Variants in SLX4 observed in about 807,000 individuals in gnomAD.
SLX4 encodes structure-specific endonuclease subunit SLX4.
A neutral mutation model predicts 146.2 loss-of-function variants in SLX4; 112 were observed. That is an observed-to-expected ratio of 0.77 (90% confidence interval 0.66 to 0.90). The LOEUF is 0.90. Ranked by LOEUF, SLX4 falls within the 40% of genes least tolerant of loss-of-function variation. The pLI, the probability that SLX4 is intolerant of heterozygous loss-of-function variation, is 0.00. For synonymous variants in SLX4, 1,061 were observed against 997.7 expected (o/e 1.06, Z -1.20); for missense variants, 2,563 against 2,392.7 (o/e 1.07, Z -1.49).
rs750265091 is a variant in SLX4, at chr16:3,600,997, C to T, written c.1145G>A (p.Ser382Asn). Residue 382 changes from serine (S) to asparagine (N), a missense_variant, in exon 5 of 15, where the codon AGC (serine) becomes AAC (asparagine). Coordinates refer to ENST00000294008, the MANE Select transcript of SLX4 (RefSeq NM_032444.4). ...GACTTACCTGAACATGGGTGGGCTG[C>T]TGCTACCCTCAGGCTGTGCTGTCTG... ...RLQTAQPEGS[S>N]SPPMFSFSDH... 6 of 1,613,672 alleles carry T rather than the reference C, an allele frequency of 3.7e-6. No individual in the cohort carries two copies. The highest frequency in any genetic ancestry group is 5.1e-6 in the Non-Finnish European group (6 of 1,180,042).
chr16:3,601,294 T>G, intron 4 of SLX4, 103 bp from the exon 5 acceptor site: 3 of 1,228,514 alleles, frequency 2.4e-6, no homozygotes, highest in Non-Finnish European at 2.4e-6. Context: ...TCAAAGCAAG[T>G]TCCCCAAAGC....
In SLX4 at chr16:3,589,832, C is replaced by G. The variant is rs779426291; in HGVS notation, c.3806G>C (p.Cys1269Ser). ...GCTGCTGATTTGGGTCTGGGAAGAA[C>G]AGTCACGGCTTCTGCTGGCCAGCGG... ...ATPLASRSRDCSSQTQISSLR... is the reference protein window; with the variant it reads ...ATPLASRSRDSSSQTQISSLR... Residue 1269 changes from cysteine (C) to serine (S), a missense_variant, in exon 12 of 15, where the codon TGT becomes TCT. By Grantham distance (112) the Cys-to-Ser change is moderately radical. Coordinates refer to ENST00000294008, the MANE Select transcript of SLX4 (RefSeq NM_032444.4). The surrounding 1 kb of genome is among the most constrained non-coding windows in gnomAD (Gnocchi z 6.2). 6.2e-7 allele frequency: 1 copy of G among 1,613,342 alleles called. No individual in the cohort carries two copies. The highest frequency in any genetic ancestry group is 2.2e-5 in the East Asian group (1 of 44,886).
At chr16:3,611,013 C>T (rs997226546) in intron 1 of SLX4, among the ~76,000 whole-genome samples, 1 of 152,204 alleles carries the variant, frequency 6.6e-6, no homozygotes, top group Non-Finnish European at 1.5e-5. Context: ...AACCTCACAA[C>T]AGTCTATCTC....
chr16:3,589,758 C>T lies in SLX4; in HGVS notation c.3880G>A (p.Ala1294Thr), dbSNP rs749975141. 1 of 1,613,768 alleles carries T rather than the reference C, an allele frequency of 6.2e-7. No individual in the cohort carries two copies. Among genetic ancestry groups the T allele is most frequent in the South Asian group, 1.1e-5 (1 of 91,086 alleles). ...TTCCCTTCCCTGTTTCCTACTGAGG[C>T]CCTGGGCGTGTGCTGAGTCACCGCC... ...VQAVTQHTPRASVGNREGNEV... is the reference protein window; with the variant it reads ...VQAVTQHTPRTSVGNREGNEV... The change falls in exon 12 of 15, where the codon GCC becomes ACC. Residue 1294 changes from alanine to threonine, a missense_variant. Coordinates refer to ENST00000294008, the MANE Select transcript of SLX4 (RefSeq NM_032444.4). This position sits in a 1 kb window ranked among gnomAD's most constrained non-coding sequence, Gnocchi z 6.2.
chr16:3,590,893 C>T lies in SLX4; in HGVS notation c.2745G>A (p.Glu915=). 6.2e-7 allele frequency: 1 copy of T among 1,614,092 alleles called. No homozygotes were observed. The highest frequency in any genetic ancestry group is 8.5e-7 in the Non-Finnish European group (1 of 1,179,996). Residue 915 remains glutamate (E), a synonymous_variant, in exon 12 of 15, where the codon GAG becomes GAA. Transcript: ENST00000294008. The surrounding 1 kb of genome is among the most constrained non-coding windows in gnomAD (Gnocchi z 4.8). ...EMEPLEPGRD[E]AATTWEKMGQ... is the part of the protein sequence containing the mutation. The stretch of plus-strand genomic sequence containing the variant: ...CCATCTTCTCCCAGGTGGTGGCGGC[C>T]TCATCTCTTCCTGGCTCCAACGGCT...
chr16:3,584,993 C>CA, intron 12 of SLX4, 122 bp from the exon 13 acceptor site: 1 of 807,486 alleles, frequency 1.2e-6, no homozygotes, highest in Non-Finnish European at 2.2e-6. Context: ...CGTTTTGCTC[C>CA]ATGAAAGCAA....
intron 2 of SLX4, among the ~76,000 whole-genome samples, chr16:3,607,489 T>C (rs2040799905): frequency 6.6e-6 from 1 of 152,166 alleles, no homozygotes; most frequent in Non-Finnish European, 1.5e-5. Context: ...TAGCTCAGTA[T>C]ACCAAGGGCA....
rs2151139406 is a variant in SLX4 at position 3,608,623 on chromosome 16, G to A, written c.342C>T (p.Gly114=). Reference sequence around the variant, plus strand: ...GCTTTTTAGTCCTAGGGGCCTGGCTGCCAGACGGAGGTTTCTTCTCTGCAG... The same window carrying A: ...GCTTTTTAGTCCTAGGGGCCTGGCTACCAGACGGAGGTTTCTTCTCTGCAG... ...QGPAEKKPPS[G]SQAPRTKKQR... Residue 114 remains glycine (G), a synonymous_variant, in exon 2 of 15, where the codon GGC becomes GGT. Coordinates refer to ENST00000294008, the MANE Select transcript of SLX4 (RefSeq NM_032444.4). 1 of 1,614,202 alleles carries A rather than the reference G, an allele frequency of 6.2e-7. No individual in the cohort carries two copies. Among genetic ancestry groups the A allele is most frequent in the Non-Finnish European group, 8.5e-7 (1 of 1,180,030 alleles).
chr16:3,608,897 C>G lies in SLX4; in HGVS notation c.68G>C (p.Cys23Ser). 1 of 1,614,190 alleles carries G rather than the reference C, an allele frequency of 6.2e-7. No individual in the cohort carries two copies. The highest frequency in any genetic ancestry group is 2.2e-5 in the East Asian group (1 of 44,884). The change falls in exon 2 of 15, where the codon TGT becomes TCT. Residue 23 changes from cysteine to serine, a missense_variant. Coordinates refer to ENST00000294008, the MANE Select transcript of SLX4 (RefSeq NM_032444.4). ...AGAGGAGCGAGGGTCAATCCCAGGACAGGCAGACAGATGAGAAAGTGAACC... is the reference window on the plus strand; with the variant it reads ...AGAGGAGCGAGGGTCAATCCCAGGAGAGGCAGACAGATGAGAAAGTGAACC... ...YLGSLSHLSACPGIDPRSSED... is the reference protein window; with the variant it reads ...YLGSLSHLSASPGIDPRSSED...
chr16:3,598,107 G>A (rs887664198), intron 5 of SLX4, 108 bp from the exon 6 acceptor site: 2 of 1,304,184 alleles, frequency 1.5e-6, no homozygotes, highest in African/African-American at 1.5e-5. Flanking sequence ...AGTGACGGAT[G>A]TGGACCTGCC....
chr16:3,603,026 C>A (rs2040744661), intron 3 of SLX4, among the ~76,000 whole-genome samples: 1 of 152,186 alleles, frequency 6.6e-6, no homozygotes, highest in Non-Finnish European at 1.5e-5. Flanking sequence ...AGCAAAACAG[C>A]ACACCTTCAT....
intron 9 of SLX4, among the ~76,000 whole-genome samples, 157 bp downstream of exon 9, chr16:3,595,448 C>T (rs2040640617): frequency 1.3e-5 from 2 of 152,198 alleles, no homozygotes; most frequent in Admixed American, 1.3e-4. Context: ...GCTCTGCTCA[C>T]GGATGTCAGG....
intron 7 of SLX4, among the ~76,000 whole-genome samples, 171 bp from the exon 8 acceptor site, chr16:3,596,564 G>A (rs2040662017): frequency 6.6e-6 from 1 of 152,242 alleles, no homozygotes; most frequent in Non-Finnish European, 1.5e-5. Context: ...GCAGTCCTGG[G>A]ATGCTTTTCC....
At chr16:3,594,921 G>A (rs1024462276) in intron 9 of SLX4, among the ~76,000 whole-genome samples, 5 of 152,172 alleles carry the variant, frequency 3.3e-5, no homozygotes, top group African/African-American at 1.2e-4. Flanking sequence ...GACAGGCTGC[G>A]GGATACCTGG....
rs1361567206 is a variant in SLX4 at position 3,597,695 on chromosome 16, T to C, written c.1367A>G (p.Glu456Gly). The change falls in exon 7 of 15, where the codon GAG (glutamate) becomes GGG (glycine). Residue 456 changes from glutamate to glycine, a missense_variant and splice_region_variant. By Grantham distance (98) the Glu-to-Gly change is moderately conservative. Coordinates refer to ENST00000294008, the MANE Select transcript of SLX4 (RefSeq NM_032444.4). The surrounding 1 kb of genome is among the most constrained non-coding windows in gnomAD (Gnocchi z 4.4). The stretch of plus-strand genomic sequence containing the variant: ...GGGTTTCTTCTTGCGACTTTTATTC[T>C]CTAGAGAGAAACAAAAGCGACACCA... ...AFSERIRPEA[E>G]NKSRKKKPPV... 3.7e-6 allele frequency: 6 copies of C among 1,613,604 alleles called. No individual in the cohort carries two copies. Among genetic ancestry groups the C allele is most frequent in the South Asian group, 1.1e-5 (1 of 91,082 alleles).
chr16:3,595,736 C>T (rs1000889934), intron 8 of SLX4, 43 bp from the exon 9 acceptor site: 1 of 1,601,106 alleles, frequency 6.2e-7, no homozygotes, highest in Non-Finnish European at 8.5e-7. Context: ...CACAGCCCAG[C>T]CACATCCACC....
Position 3,608,469 on chromosome 16 carries a change from G to C in SLX4, c.496C>G (p.Gln166Glu). The change falls in exon 2 of 15, where the codon CAA (glutamine) becomes GAA (glutamate). Residue 166 changes from glutamine to glutamate, a missense_variant. Gln to Glu is a conservative substitution (Grantham distance 29). Coordinates refer to ENST00000294008, the MANE Select transcript of SLX4 (RefSeq NM_032444.4). The stretch of plus-strand genomic sequence containing the variant: ...CTGGAAAGGTTTGGCGATGGTTCTT[G>C]CTGGTTACCCGTCTGGGTGTTTTGT... ...TAQNTQTGNQ[Q>E]EPSPNLSREK... The C allele has an allele frequency of 6.2e-7, 1 of 1,614,190 alleles. No individual in the cohort carries two copies. The highest frequency in any genetic ancestry group is 8.5e-7 in the Non-Finnish European group (1 of 1,180,042).
In SLX4 at chr16:3,582,030, A is replaced by G; in HGVS notation, c.*312T>C. 1 of 446,216 alleles carries G rather than the reference A, an allele frequency of 2.2e-6. No homozygotes were observed. The highest frequency in any genetic ancestry group is 4.1e-6 in the Non-Finnish European group (1 of 244,200). 27.6% of individuals were successfully genotyped at this position (446,216 alleles called of 1,614,324 possible). On this transcript the variant is annotated 3_prime_UTR_variant, in exon 15 of 15. Transcript: ENST00000294008. ...TGCACTCCAGCCTAGGTGACACAGC[A>G]CGACTGTCTCAAAAAGAAAAAAAAA...
chr16:3,601,623 A>C (rs890751869), intron 4 of SLX4: 2 of 316,616 alleles, frequency 6.3e-6, no homozygotes, highest in African/African-American at 4.3e-5. Context: ...CAGTCTAGCC[A>C]TACAATGAGA....
Sources: gnomAD v4.1 joint callset for allele counts (sites outside exome capture counted in the v4.1 genomes callset) on GRCh38, gnomAD v4.1.1 for gene constraint, Gnocchi (gnomAD v3.1) non-coding constraint, MANE v1.5 for transcripts, NCBI Gene and HGNC (gene_info 2026-07-23, HGNC 2026-07-21) for gene names.